ABCC5: variants seen among roughly 807,000 people sequenced by gnomAD.
The protein encoded by ABCC5 is ATP binding cassette subfamily C member 5, also known as ATP-binding cassette sub-family C member 5.
ABCC5 carries 61 observed loss-of-function variants against 160.9 expected under a neutral mutation model. That is an observed-to-expected ratio of 0.38 (90% CI 0.31 to 0.47). The LOEUF is 0.47. Among genes scored for constraint, ABCC5 ranks in the 20% least tolerant of loss-of-function variants. ABCC5 has a pLI of 0.99. For synonymous variants in ABCC5, 666 were observed against 700.6 expected (o/e 0.95, Z 0.78); for missense variants, 1,308 against 1,813.3 (o/e 0.72, Z 5.06).
At chr3:183,969,111 A>G (rs986766805) in intron 11 of ABCC5, among the ~76,000 whole-genome samples, 10 of 152,192 alleles carry the variant, frequency 6.6e-5, no homozygotes, top group African/African-American at 2.4e-4. Context: ...ATGAGACATC[A>G]AAAATGAGAA....
At chr3:183,991,306 G>GAAA (rs11404217) in intron 2 of ABCC5, among the ~76,000 whole-genome samples, 3 of 146,500 alleles carry the variant, frequency 2.0e-5, no homozygotes, top group African/African-American at 7.5e-5. Context: ...CTAAAAGAAG[G>GAAA]AAAAAAAAAA....
At chr3:183,932,743 C>T (rs1360174942) in intron 26 of ABCC5, among the ~76,000 whole-genome samples, 1 of 152,164 alleles carries the variant, frequency 6.6e-6, no homozygotes, top group Non-Finnish European at 1.5e-5. Flanking sequence ...GTGGGAGAAT[C>T]TCTTGAGCTC....
At chr3:183,945,605 G>C (rs1714765338) in intron 24 of ABCC5, among the ~76,000 whole-genome samples, 1 of 152,190 alleles carries the variant, frequency 6.6e-6, no homozygotes, top group Non-Finnish European at 1.5e-5. Flanking sequence ...GAACTGACAA[G>C]GTTCTGAACA....
intron 17 of ABCC5, among the ~76,000 whole-genome samples, chr3:183,954,409 A>T (rs1715676101): frequency 6.6e-6 from 1 of 152,154 alleles, no homozygotes; most frequent in African/African-American, 2.4e-5. Context: ...TCAGCCTCCC[A>T]AAGTGCTGGG....
In ABCC5 at chr3:183,971,647, G is replaced by C. The variant is rs561728648; in HGVS notation, c.1677C>G (p.Pro559=). ...GGATGTGCTTGCCTTCTTCCTCTTC[G>C]GGACTGGGCCGCTCGTCACTGTCCA... ...LLLDSDERPS[P]EEEEGKHIHL... is the part of the protein sequence containing the mutation. Residue 559 remains proline, a synonymous_variant, in exon 11 of 30, where the codon CCC becomes CCG. Coordinates refer to ENST00000334444, the MANE Select transcript of ABCC5 (RefSeq NM_005688.4). The C allele has an allele frequency of 1.2e-6, 2 of 1,613,994 alleles. No homozygotes were observed. The highest frequency in any genetic ancestry group is 1.6e-4 in the Middle Eastern group (1 of 6,080).
intron 2 of ABCC5, among the ~76,000 whole-genome samples, chr3:184,003,046 A>G (rs1720882685): frequency 6.6e-6 from 1 of 152,128 alleles, no homozygotes; most frequent in Non-Finnish European, 1.5e-5. Context: ...CCTTAAGACA[A>G]ACAAGACAAT....
chr3:183,976,350 G>C (rs1718216673), intron 10 of ABCC5, among the ~76,000 whole-genome samples: 1 of 152,036 alleles, frequency 6.6e-6, no homozygotes, highest in African/African-American at 2.4e-5. Context: ...GACCTCCTGG[G>C]CTCAAGCAAT....
intron 17 of ABCC5, among the ~76,000 whole-genome samples, chr3:183,956,129 T>A (rs1168380695): frequency 8.7e-6 from 1 of 115,252 alleles, no homozygotes; most frequent in Non-Finnish European, 2.0e-5. Context: ...CGTGTGTATA[T>A]CACATCGGTT....
intron 14 of ABCC5, among the ~76,000 whole-genome samples, chr3:183,964,336 G>A (rs1717033871): frequency 2.0e-5 from 3 of 152,140 alleles, no homozygotes; most frequent in African/African-American, 7.2e-5. Context: ...ACATGTCACT[G>A]GCACATAATA....
intron 23 of ABCC5, among the ~76,000 whole-genome samples, chr3:183,946,388 C>T (rs534608945): frequency 1.6e-4 from 24 of 152,194 alleles, no homozygotes; most frequent in Non-Finnish European, 2.1e-4. Flanking sequence ...CCATAGACTG[C>T]GGAGTCTAAA....
intron 2 of ABCC5, among the ~76,000 whole-genome samples, chr3:184,004,089 T>C (rs1720970389): frequency 6.6e-6 from 1 of 152,196 alleles, no homozygotes; most frequent in African/African-American, 2.4e-5. Context: ...CACTGGTATT[T>C]GTTGAACATT....
intron 5 of ABCC5, chr3:183,986,516 C>A (rs2108863002): frequency 6.6e-6 from 1 of 152,178 alleles, no homozygotes; most frequent in East Asian, 1.9e-4. Flanking sequence ...GGATAGGTAC[C>A]ATTTTTTTCA....
intron 17 of ABCC5, 82 bp from the exon 18 acceptor site, chr3:183,953,352 C>A: frequency 7.7e-7 from 1 of 1,292,498 alleles, no homozygotes; most frequent in East Asian, 2.4e-5. Context: ...GCAACAGAAT[C>A]GGACAACCGG....
rs374239168 is a variant in ABCC5, at chr3:183,951,932, G to A, written c.2739C>T (p.Tyr913=). The part of the protein sequence containing the change: ...DSMKDNPHMQ[Y]YASIYALSMA... ...TGGAGAGGGCGTAGATGCTGGCATA[G>A]TACTGCATATGAGGATTGTCCTTCA... The change falls in exon 19 of 30, where the codon TAC becomes TAT. Residue 913 remains tyrosine (Y), a synonymous_variant. Coordinates refer to ENST00000334444, the MANE Select transcript of ABCC5 (RefSeq NM_005688.4). This position sits in a 1 kb window ranked among gnomAD's most constrained non-coding sequence, Gnocchi z 4.7. 2.5e-5 allele frequency: 41 copies of A among 1,613,950 alleles called. No individual in the cohort carries two copies. In the African/African-American group the frequency reaches 5.1e-4, roughly 20 times the overall value.
chr3:183,987,653 T>A lies in ABCC5; in HGVS notation c.591+117A>T. On this transcript the variant is annotated intron_variant, in intron 5 of 29. Coordinates refer to ENST00000334444, the MANE Select transcript of ABCC5 (RefSeq NM_005688.4). This position sits in a 1 kb window ranked among gnomAD's most constrained non-coding sequence, Gnocchi z 4.2. ...ACCCCTTTCAACAGACCTGAAGGCA[T>A]CTCTAAGACTGCTACCTAGCCCAAA... The A allele has an allele frequency of 7.2e-7, 1 of 1,392,856 alleles. No homozygotes were observed. The highest frequency in any genetic ancestry group is 1.0e-6 in the Non-Finnish European group (1 of 1,002,524). The allele number at this position is 1,392,856 out of a possible 1,614,324, so 86.3% of individuals were successfully genotyped here.
At chr3:183,942,117 G>C (rs191960029) in intron 25 of ABCC5, among the ~76,000 whole-genome samples, 18 of 151,384 alleles carry the variant, frequency 1.2e-4, no homozygotes, top group Admixed American at 4.0e-4. Flanking sequence ...TTGGCTCACT[G>C]CAACCTCCGC....
chr3:183,938,730 C>G (rs1360071687), intron 25 of ABCC5, among the ~76,000 whole-genome samples: 1 of 152,156 alleles, frequency 6.6e-6, no homozygotes, highest in Non-Finnish European at 1.5e-5. Context: ...GAGGGGCAAA[C>G]CAGAGGACAA....
At chr3:184,010,069 G>A (rs1721583340) in intron 2 of ABCC5, 3 of 324,578 alleles carry the variant, frequency 9.2e-6, no homozygotes, top group African/African-American at 2.2e-5. Flanking sequence ...TACTTTGGGA[G>A]GCCAAGGCAG....
At chr3:184,002,958 G>A (rs946477811) in intron 2 of ABCC5, among the ~76,000 whole-genome samples, 4 of 152,060 alleles carry the variant, frequency 2.6e-5, no homozygotes, top group Non-Finnish European at 5.9e-5. Flanking sequence ...CAAATAAAGC[G>A]GTATCTGGGG....
Sources: allele counts gnomAD v4.1 joint callset (sites outside exome capture counted in the v4.1 genomes callset), GRCh38; gene constraint gnomAD v4.1.1; non-coding constraint Gnocchi (gnomAD v3.1); transcripts MANE v1.5; gene names NCBI Gene and HGNC (gene_info 2026-07-23, HGNC 2026-07-21).